The following DAGLA variants were observed in gnomAD, a reference collection of about 807,000 sequenced individuals.
The protein encoded by DAGLA is diacylglycerol lipase-alpha.
In DAGLA, 22 loss-of-function variants were observed where a neutral mutation model predicts 102.6. That is an observed-to-expected ratio of 0.21 (90% confidence interval 0.15 to 0.31). The LOEUF (loss-of-function observed/expected upper bound fraction) is 0.31. DAGLA is among the 10% of genes least tolerant of loss of function. The pLI is 1.00. For synonymous variants in DAGLA, 578 were observed against 628.9 expected, an observed-to-expected ratio of 0.92 and a Z score of 1.21; for missense variants, 927 against 1,446.6, an observed-to-expected ratio of 0.64 and a Z score of 5.83.
At chr11:61,685,598 A>G (rs1484473308) in intron 1 of DAGLA, among the ~76,000 whole-genome samples, 5 of 152,180 alleles carry the variant, frequency 3.3e-5, no homozygotes, top group Non-Finnish European at 7.3e-5. Context: ...ACCAGAGCCT[A>G]TAAGGTGTAG....
At chr11:61,699,580 A>G (rs81659) in intron 1 of DAGLA, among the ~76,000 whole-genome samples, 89,185 of 152,136 alleles carry the variant, frequency 0.59, 26,988 homozygotes, top group Non-Finnish European at 0.66. Flanking sequence ...CAGCCAAGGC[A>G]TGGCCCAGCA....
intron 3 of DAGLA, among the ~76,000 whole-genome samples, chr11:61,722,431 C>T (rs886151039): frequency 2.0e-5 from 3 of 152,176 alleles, no homozygotes; most frequent in African/African-American, 7.2e-5. Context: ...ACTAAAAATA[C>T]AAAAATTAGC....
chr11:61,741,908 G>A (rs200968749), intron 19 of DAGLA, among the ~76,000 whole-genome samples: 1 of 152,130 alleles, frequency 6.6e-6, no homozygotes, highest in Non-Finnish European at 1.5e-5. Flanking sequence ...CACCATGGCC[G>A]GCCTGCACAG....
At position 61,740,556 on chromosome 11, in the gene DAGLA, G is replaced by A. The variant is rs749868429; in HGVS notation, c.1947G>A (p.Glu649=). The A allele has an allele frequency of 2.5e-6, 4 of 1,613,752 alleles. No homozygotes were observed. In the African/African-American group the frequency reaches 4.0e-5, roughly 16 times the overall value. Residue 649 remains glutamate, a synonymous_variant, in exon 18 of 20, where the codon GAG becomes GAA. Coordinates refer to ENST00000257215, the MANE Select transcript of DAGLA (RefSeq NM_006133.3). ...TCATCTCGCCAGCCATGCTGCATGAGCACCTGCCCTATGTGGTCATGGAGG... is the reference window on the plus strand; with the variant it reads ...TCATCTCGCCAGCCATGCTGCATGAACACCTGCCCTATGTGGTCATGGAGG... ...EVIISPAMLH[E]HLPYVVMEGL...
chr11:61,738,047 C>T (rs1262048184), intron 15 of DAGLA, 88 bp from the exon 16 acceptor site: 18 of 1,037,428 alleles, frequency 1.7e-5, no homozygotes, highest in South Asian at 2.7e-5. Flanking sequence ...AGGGGCTAGG[C>T]GTGTGCCTGC....
intron 1 of DAGLA, among the ~76,000 whole-genome samples, chr11:61,696,511 G>A (rs2065067230): frequency 6.6e-6 from 1 of 151,838 alleles, no homozygotes; most frequent in African/African-American, 2.4e-5. Context: ...CCCTGTGGGA[G>A]AGGCAGGAGA....
chr11:61,688,649 G>A (rs2065003277), intron 1 of DAGLA, among the ~76,000 whole-genome samples: 2 of 152,210 alleles, frequency 1.3e-5, no homozygotes, highest in African/African-American at 2.4e-5. Context: ...CAGGGGGCCC[G>A]TGGGGGGTTC....
At chr11:61,705,385 C>A (rs1048624944) in intron 1 of DAGLA, among the ~76,000 whole-genome samples, 4 of 152,218 alleles carry the variant, frequency 2.6e-5, no homozygotes, top group African/African-American at 9.6e-5. Flanking sequence ...TGCCAGCCTG[C>A]CTGCTTTGGC....
chr11:61,735,231 C>T (rs752789188), intron 10 of DAGLA, among the ~76,000 whole-genome samples: 8 of 152,210 alleles, frequency 5.3e-5, no homozygotes, highest in Non-Finnish European at 1.2e-4. Context: ...CAACCCCACA[C>T]CCAGTGTTTG....
In DAGLA at chr11:61,744,357, G is replaced by T; in HGVS notation, c.2997G>T (p.Glu999Asp). The change falls in exon 20 of 20, where the codon GAG becomes GAT. Residue 999 changes from glutamate to aspartate, a missense_variant. Physicochemically the swap from Glu to Asp is conservative, Grantham distance 45. This residue lies in a region of DAGLA where 434 missense variants were observed against 503.3 expected (regional missense o/e 0.86). Coordinates refer to ENST00000257215, the MANE Select transcript of DAGLA (RefSeq NM_006133.3). Reference sequence around the variant, plus strand: ...CCTTCCCGCTCAGCTCCTCGGGTGAGCTCATGGACCTGACGCCCACGGGCC... The same window carrying T: ...CCTTCCCGCTCAGCTCCTCGGGTGATCTCATGGACCTGACGCCCACGGGCC... The part of the protein sequence containing the change: ...SPSFPLSSSG[E>D]LMDLTPTGLS... 2 of 1,612,518 alleles carry T rather than the reference G, an allele frequency of 1.2e-6. No homozygotes were observed. The highest frequency in any genetic ancestry group is 1.7e-6 in the Non-Finnish European group (2 of 1,179,698).
intron 13 of DAGLA, 99 bp downstream of exon 13, chr11:61,736,449 A>G: frequency 1.0e-6 from 1 of 976,722 alleles, no homozygotes; most frequent in Non-Finnish European, 1.6e-6. Flanking sequence ...GGAGCCTCAC[A>G]ACTCCCACAC....
At chr11:61,711,272 C>T (rs1414555671) in intron 1 of DAGLA, among the ~76,000 whole-genome samples, 2 of 152,198 alleles carry the variant, frequency 1.3e-5, no homozygotes, top group Non-Finnish European at 2.9e-5. Context: ...TGCCCGGCCG[C>T]ACCCATCACA....
intron 1 of DAGLA, among the ~76,000 whole-genome samples, chr11:61,707,613 C>T (rs1437012967): frequency 1.3e-5 from 2 of 152,244 alleles, no homozygotes; most frequent in Admixed American, 1.3e-4. Context: ...CTTACCTGGT[C>T]ATTTGTGGGC....
intron 1 of DAGLA, among the ~76,000 whole-genome samples, chr11:61,707,518 G>A (rs2065159528): frequency 6.6e-6 from 1 of 152,244 alleles, no homozygotes; most frequent in African/African-American, 2.4e-5. Flanking sequence ...GAGGCAGATG[G>A]AGGCCAGGGT....
At chr11:61,735,098 TTGG>T in intron 10 of DAGLA, 96 bp downstream of exon 10, 1 of 1,439,418 alleles carries the variant, frequency 6.9e-7, no homozygotes, top group Non-Finnish European at 9.5e-7. Flanking sequence ...GAGCCCTTGC[TTGG>T]CTGGTGCTGG....
Position 61,737,178 on chromosome 11 carries a change from C to T in DAGLA, c.1372-4C>T. 2 of 1,613,460 alleles carry T rather than the reference C, an allele frequency of 1.2e-6. No homozygotes were observed. Among genetic ancestry groups the T allele is most frequent in the Non-Finnish European group, 1.7e-6 (2 of 1,180,008 alleles). ...AGGGCTCTCAGGCTTCTCTCGGTCTCCAGGGCCGCGGAACCAAACACTACG... is the reference window on the plus strand; with the variant it reads ...AGGGCTCTCAGGCTTCTCTCGGTCTTCAGGGCCGCGGAACCAAACACTACG... On this transcript the variant is annotated splice_polypyrimidine_tract_variant and splice_region_variant and intron_variant, in intron 13 of 19. Transcript: ENST00000257215.
chr11:61,684,101 A>T lies in DAGLA; in HGVS notation c.-45+3597A>T, dbSNP rs2064966618. Among the ~76,000 whole-genome samples, 2 of 152,234 alleles carry T rather than the reference A, an allele frequency of 1.3e-5. No individual in the cohort carries two copies. The highest frequency in any genetic ancestry group is 1.3e-4 in the Admixed American group (2 of 15,286). ...CCAGAGCTGACAGCAGCGGGCCAGAAGGCTGCAGCTGAAGGCACAGCTTGT... is the reference window on the plus strand; with the variant it reads ...CCAGAGCTGACAGCAGCGGGCCAGATGGCTGCAGCTGAAGGCACAGCTTGT... On this transcript the variant is annotated intron_variant, in intron 1 of 19. Coordinates refer to ENST00000257215, the MANE Select transcript of DAGLA (RefSeq NM_006133.3). The surrounding 1 kb of genome is among the most constrained non-coding windows in gnomAD (Gnocchi z 4.5).
intron 16 of DAGLA, 55 bp from the exon 17 acceptor site, chr11:61,739,410 C>G (rs1343441489): frequency 6.4e-7 from 1 of 1,565,562 alleles, no homozygotes. Flanking sequence ...TGCCCCTGCC[C>G]CCCAGCCAGT....
intron 1 of DAGLA, among the ~76,000 whole-genome samples, chr11:61,712,258 C>A (rs1181203104): frequency 2.0e-5 from 3 of 152,298 alleles, no homozygotes; most frequent in Admixed American, 6.5e-5. Context: ...TCTTTAAATT[C>A]TTGGAGCCTC....
Sources: gnomAD v4.1 joint callset for allele counts (sites outside exome capture counted in the v4.1 genomes callset) on GRCh38, gnomAD v4.1.1 for gene constraint, gnomAD v4.1.1 regional missense constraint, Gnocchi (gnomAD v3.1) non-coding constraint, MANE v1.5 for transcripts, NCBI Gene and HGNC (gene_info 2026-07-23, HGNC 2026-07-21) for gene names.